C7orf33: variants seen among roughly 807,000 people sequenced by gnomAD.
The protein encoded by C7orf33 is chromosome 7 open reading frame 33.
In C7orf33, 15 loss-of-function variants were observed where a neutral mutation model predicts 13.4. The ratio of observed to expected loss-of-function variants is 1.12; its 90% confidence interval spans 0.75 to 1.72. The LOEUF (loss-of-function observed/expected upper bound fraction) is 1.72. Ranked by LOEUF, C7orf33 falls within the 40% of genes most tolerant of loss-of-function variation. The pLI, the probability that C7orf33 is intolerant of heterozygous loss-of-function variation, is 0.00. For missense variants in C7orf33, 187 were observed against 220.3 expected, an observed-to-expected ratio of 0.85 and a Z score of 0.96; for synonymous variants, 73 against 83.2, an observed-to-expected ratio of 0.88 and a Z score of 0.67.
rs117600668 is a variant in C7orf33, at chr7:148,608,796, G to A, written c.205-5246G>A. Among the ~76,000 whole-genome samples, 1,479 of 152,246 alleles carry A rather than the reference G, an allele frequency of 9.7e-3. 14 individuals carry two copies. Among genetic ancestry groups the A allele is most frequent in the Non-Finnish European group, 0.013 (895 of 68,016 alleles). The stretch of plus-strand genomic sequence containing the variant: ...CACACCTCTGCACTCCAGTCTGGGC[G>A]ACAGAGCAAGACTCTGTCTCAGGAA... On this transcript the variant is annotated intron_variant, in intron 1 of 2. Transcript: ENST00000307003.
rs75909393 is a variant in C7orf33, at chr7:148,599,365, T to G, written c.204+8236T>G. 3.2e-3 allele frequency among the ~76,000 whole-genome samples: 489 copies of G among 152,286 alleles called. 4 individuals are homozygous for G. The highest frequency in any genetic ancestry group is 0.011 in the African/African-American group (475 of 41,570). On this transcript the variant is annotated intron_variant, in intron 1 of 2. Coordinates refer to ENST00000307003, the MANE Select transcript of C7orf33 (RefSeq NM_145304.4). ...ACAATATGTCTAAATATGAAAAAGT[T>G]TGAAGTCATGTGAATAAACTGTTAA...
chr7:148,591,269 A>G, intron 1 of C7orf33, 140 bp downstream of exon 1: 1 of 731,120 alleles, frequency 1.4e-6, no homozygotes, highest in South Asian at 1.6e-5. Context: ...TGAAGTAAAG[A>G]GAGAGACAGA....
At chr7:148,610,261 A>G (rs181565692) in intron 1 of C7orf33, among the ~76,000 whole-genome samples, 7 of 152,258 alleles carry the variant, frequency 4.6e-5, no homozygotes, top group Non-Finnish European at 1.0e-4. Context: ...GGTGTTGCCA[A>G]AGGAGATTAA....
At chr7:148,612,552 A>T (rs932527226) in intron 1 of C7orf33, among the ~76,000 whole-genome samples, 5 of 149,566 alleles carry the variant, frequency 3.3e-5, no homozygotes, top group Admixed American at 1.3e-4. Flanking sequence ...CTCAATAAAT[A>T]ACCCAATGTT....
intron 1 of C7orf33, among the ~76,000 whole-genome samples, chr7:148,597,863 C>T (rs1796359485): frequency 6.6e-6 from 1 of 152,172 alleles, no homozygotes; most frequent in Non-Finnish European, 1.5e-5. Flanking sequence ...TCACGCCATT[C>T]TCCTGCCTTA....
intron 1 of C7orf33, among the ~76,000 whole-genome samples, chr7:148,593,033 G>T: frequency 6.6e-6 from 1 of 151,956 alleles, no homozygotes; most frequent in African/African-American, 2.4e-5. Flanking sequence ...TAGATACAGG[G>T]TTTCATCATG....
intron 1 of C7orf33, among the ~76,000 whole-genome samples, chr7:148,594,190 T>TC (rs1471325508): frequency 1.3e-5 from 2 of 149,510 alleles, no homozygotes; most frequent in African/African-American, 5.0e-5. Context: ...TTTTTTTTTT[T>TC]CTGAGACAGA....
At position 148,606,933 on chromosome 7, in the gene C7orf33, T is replaced by TACACACACACACACACACAC. The variant is rs112000703; in HGVS notation, c.205-7098_205-7079dup. Among the ~76,000 whole-genome samples the TACACACACACACACACACAC allele has an allele frequency of 1.1e-3, 159 of 139,288 alleles. 3 individuals are homozygous for TACACACACACACACACACAC. Among genetic ancestry groups the TACACACACACACACACACAC allele is most frequent in the South Asian group, 2.6e-3 (11 of 4,190 alleles). 91.4% of individuals were successfully genotyped at this position (139,288 alleles called of 152,430 possible). A position where few individuals can be genotyped will look rare whatever the true frequency, so the allele number is the denominator to read the frequency against. On this transcript the variant is annotated intron_variant, in intron 1 of 2. Coordinates refer to ENST00000307003, the MANE Select transcript of C7orf33 (RefSeq NM_145304.4). ...GAATAGACCCCATTTAAAAAAAAAATACACACACACACACACACACACACA... is the reference window on the plus strand; with the variant it reads ...GAATAGACCCCATTTAAAAAAAAAATACACACACACACACACACACACACACACACACACACACACACACA...
At position 148,614,784 on chromosome 7, in the gene C7orf33, A is replaced by T. The variant is rs556339603; in HGVS notation, c.459+488A>T. ...GTATCTATAAAGGAACTCCTAACTT[A>T]AAAAGTAATCCATCAATAGTAAGGA... On this transcript the variant is annotated intron_variant, in intron 2 of 2. Transcript: ENST00000307003. Among the ~76,000 whole-genome samples the T allele has an allele frequency of 1.8e-4, 28 of 152,326 alleles. No individual in the cohort carries two copies. The East Asian group carries it at 4.3e-3, about 23-fold the overall frequency.
At chr7:148,614,363 T>A (rs1585468555) in intron 2 of C7orf33, 67 bp downstream of exon 2, 1 of 1,513,872 alleles carries the variant, frequency 6.6e-7, no homozygotes. Flanking sequence ...GAAACTTCCA[T>A]GAAAATGAAG....
chr7:148,608,367 T>C (rs1041348107), intron 1 of C7orf33, among the ~76,000 whole-genome samples: 9 of 151,234 alleles, frequency 6.0e-5, no homozygotes, highest in African/African-American at 2.2e-4. Flanking sequence ...GAGGCGGAGG[T>C]TGCAGTGAGC....
intron 1 of C7orf33, among the ~76,000 whole-genome samples, chr7:148,611,433 G>A (rs1385508722): frequency 6.6e-6 from 1 of 152,166 alleles, no homozygotes; most frequent in Non-Finnish European, 1.5e-5. Context: ...AGAAAAAGAG[G>A]GACGTCTTGA....
intron 2 of C7orf33, among the ~76,000 whole-genome samples, chr7:148,614,640 C>A (rs920980326): frequency 6.6e-6 from 1 of 152,142 alleles, no homozygotes; most frequent in African/African-American, 2.4e-5. Context: ...AATGCCATTT[C>A]GGAGCTGGCA....
At chr7:148,607,764 A>T (rs1796490409) in intron 1 of C7orf33, among the ~76,000 whole-genome samples, 1 of 152,224 alleles carries the variant, frequency 6.6e-6, no homozygotes, top group African/African-American at 2.4e-5. Flanking sequence ...CTGTTACCAC[A>T]AGAAAGCGTA....
chr7:148,611,957 AC>A (rs1796548764), intron 1 of C7orf33, among the ~76,000 whole-genome samples: 1 of 152,234 alleles, frequency 6.6e-6, no homozygotes, highest in Non-Finnish European at 1.5e-5. Flanking sequence ...GAATCAGGGA[AC>A]GCTCCCATTT....
intron 1 of C7orf33, among the ~76,000 whole-genome samples, chr7:148,593,896 G>A (rs185706683): frequency 1.4e-3 from 220 of 152,290 alleles, no homozygotes; most frequent in Non-Finnish European, 1.8e-3. Context: ...CCTAATGAGA[G>A]GTGATTGGAT....
At position 148,592,755 on chromosome 7, in the gene C7orf33, C is replaced by T. The variant is rs1189062561; in HGVS notation, c.204+1626C>T. Among the ~76,000 whole-genome samples, 5 of 151,974 alleles carry T rather than the reference C, an allele frequency of 3.3e-5. No individual in the cohort carries two copies. In the East Asian group the frequency reaches 5.8e-4, roughly 18 times the overall value. The stretch of plus-strand genomic sequence containing the variant: ...GTCTCAAACTCCTGATCTCAGGTGA[C>T]CTGCCTGCCTCAACCTCCCAAAGTG... On this transcript the variant is annotated intron_variant, in intron 1 of 2. Transcript: ENST00000307003.
intron 1 of C7orf33, among the ~76,000 whole-genome samples, chr7:148,599,923 A>C (rs1796393560): frequency 6.6e-6 from 1 of 152,136 alleles, no homozygotes; most frequent in South Asian, 2.1e-4. Context: ...CACACAGCTT[A>C]CGCGTCCAAA....
chr7:148,611,958 C>G lies in C7orf33; in HGVS notation c.205-2084C>G, dbSNP rs114019191. Among the ~76,000 whole-genome samples, 1,172 of 152,346 alleles carry G rather than the reference C, an allele frequency of 7.7e-3. 8 individuals are homozygous for G. The highest frequency in any genetic ancestry group is 0.017 in the Middle Eastern group (5 of 294). On this transcript the variant is annotated intron_variant, in intron 1 of 2. Transcript: ENST00000307003. ...ATGTGCTGCAGGGGGAATCAGGGAACGCTCCCATTTCACTAGCTTTCAGTA... is the reference window on the plus strand; with the variant it reads ...ATGTGCTGCAGGGGGAATCAGGGAAGGCTCCCATTTCACTAGCTTTCAGTA...
Sources: allele counts gnomAD v4.1 joint callset (sites outside exome capture counted in the v4.1 genomes callset), GRCh38; gene constraint gnomAD v4.1.1; transcripts MANE v1.5; gene names NCBI Gene and HGNC (gene_info 2026-07-23, HGNC 2026-07-21).